Variants in NSFL1C observed in about 807,000 individuals in gnomAD.
The protein encoded by NSFL1C is NSFL1 cofactor, also known as NSFL1 cofactor p47.
NSFL1C carries 14 observed loss-of-function variants against 43.1 expected under a neutral mutation model. That is an observed-to-expected ratio of 0.32 (90% CI 0.21 to 0.51). The LOEUF is 0.51. NSFL1C is among the 20% of genes least tolerant of loss of function. The pLI, the probability that NSFL1C is intolerant of heterozygous loss-of-function variation, is 0.98. For synonymous variants in NSFL1C, 171 were observed against 183.5 expected (o/e 0.93, Z 0.55); for missense variants, 406 against 472.5 (o/e 0.86, Z 1.30).
At chr20:1,446,395 T>C (rs1474801137) in intron 7 of NSFL1C, among the ~76,000 whole-genome samples, 1 of 152,156 alleles carries the variant, frequency 6.6e-6, no homozygotes, top group Non-Finnish European at 1.5e-5. Flanking sequence ...ACATCCACTA[T>C]TGAGGGCAGG....
At chr20:1,450,377 G>C (rs2090158819) in intron 7 of NSFL1C, among the ~76,000 whole-genome samples, 1 of 151,856 alleles carries the variant, frequency 6.6e-6, no homozygotes, top group Non-Finnish European at 1.5e-5. Flanking sequence ...TAAAAAGCCA[G>C]AACTGAAATA....
chr20:1,464,173 T>C, intron 2 of NSFL1C, 156 bp downstream of exon 2: 1 of 655,746 alleles, frequency 1.5e-6, no homozygotes, highest in Non-Finnish European at 2.7e-6. Context: ...GTATAGGAAA[T>C]GACTGAGGCC....
Position 1,449,567 on chromosome 20 carries a change from T to C in NSFL1C, c.785+2926A>G, listed in dbSNP as rs552247842. Among the ~76,000 whole-genome samples the C allele has an allele frequency of 5.4e-4, 82 of 152,318 alleles. 1 individual carries two copies. The South Asian group carries it at 0.016, about 30-fold the overall frequency. ...GCTCTTCCTGAGAACTGCCAACAGC[T>C]GGGCTACTGCTCCCAGTGAGCGGCT... is the stretch of plus-strand genomic sequence containing the variant. On this transcript the variant is annotated intron_variant, in intron 7 of 8. Transcript: ENST00000216879.
At chr20:1,454,567 A>G (rs776495847) in intron 4 of NSFL1C, among the ~76,000 whole-genome samples, 4 of 152,280 alleles carry the variant, frequency 2.6e-5, no homozygotes, top group Non-Finnish European at 5.9e-5. Flanking sequence ...AGATGCTACT[A>G]AACTCTCATT....
chr20:1,454,454 A>G (rs988217131), intron 4 of NSFL1C, 149 bp from the exon 5 acceptor site: 8 of 619,604 alleles, frequency 1.3e-5, no homozygotes, highest in Non-Finnish European at 2.0e-5. Flanking sequence ...ACTTTCTCTG[A>G]TATCAGACTC....
intron 2 of NSFL1C, among the ~76,000 whole-genome samples, chr20:1,461,637 G>C (rs1396146371): frequency 6.6e-6 from 1 of 152,206 alleles, no homozygotes; most frequent in Non-Finnish European, 1.5e-5. Flanking sequence ...GCAGAACATT[G>C]TTGGGGCTGA....
chr20:1,457,081 T>C (rs2090317504), intron 3 of NSFL1C: 1 of 152,216 alleles, frequency 6.6e-6, no homozygotes, highest in African/African-American at 2.4e-5. Context: ...GTTTCCATAA[T>C]GGATATTTTT....
chr20:1,446,135 G>A (rs757896495), intron 7 of NSFL1C: 22 of 485,670 alleles, frequency 4.5e-5, no homozygotes, highest in Middle Eastern at 3.0e-4. Context: ...CTTGAAGGGA[G>A]GAAAGCAGGA....
At chr20:1,455,716 G>C (rs2090284325) in intron 3 of NSFL1C, 2 of 779,552 alleles carry the variant, frequency 2.6e-6, no homozygotes, top group South Asian at 2.7e-5. Flanking sequence ...CTACCTACCT[G>C]CTCCTTAAGT....
Position 1,443,627 on chromosome 20 carries a change from A to G in NSFL1C, c.*122T>C. 1 of 911,436 alleles carries G rather than the reference A, an allele frequency of 1.1e-6. No homozygotes were observed. 56.5% of individuals were successfully genotyped at this position (911,436 alleles called of 1,614,324 possible). A position where few individuals can be genotyped will look rare whatever the true frequency, so the allele number is the denominator to read the frequency against. On this transcript the variant is annotated 3_prime_UTR_variant, in exon 9 of 9. Transcript: ENST00000216879. ...AACCAAGATCTAAGAACCCAGAGCT[A>G]TGGAGGAGACGTTGCACTGGACTGC...
intron 7 of NSFL1C, among the ~76,000 whole-genome samples, chr20:1,447,255 G>T (rs866415929): frequency 1.3e-5 from 2 of 152,130 alleles, no homozygotes; most frequent in Non-Finnish European, 2.9e-5. Flanking sequence ...ACTACGATAG[G>T]CCACAAGAGT....
intron 7 of NSFL1C, among the ~76,000 whole-genome samples, chr20:1,447,428 T>G (rs969249435): frequency 2.1e-4 from 32 of 151,186 alleles, no homozygotes; most frequent in Non-Finnish European, 3.8e-4. Flanking sequence ...GTTATGAGTT[T>G]TTTTTTTTTT....
rs754102662 is a variant in NSFL1C, at chr20:1,452,566, G to T, written c.712C>A (p.His238Asn). 3.7e-6 allele frequency: 6 copies of T among 1,614,144 alleles called. No homozygotes were observed. The highest frequency in any genetic ancestry group is 5.1e-6 in the Non-Finnish European group (6 of 1,180,024). ...GGCTTCACAAAGTCCTCGTCCCGAT[G>T]GTCCTCCATATCCAAGTTCACCTGT... is the stretch of plus-strand genomic sequence containing the variant. ...GGQVNLDMED[H>N]RDEDFVKPKG... The change falls in exon 7 of 9, where the codon CAT becomes AAT. Residue 238 changes from histidine (H) to asparagine (N), a missense_variant. His to Asn is a moderately conservative substitution (Grantham distance 68, BLOSUM62 1). Around this residue, in one of 3 missense-constraint regions of NSFL1C, gnomAD observed 196 missense variants for 228.0 expected, o/e 0.86. Transcript: ENST00000216879.
chr20:1,466,391 G>T (rs2090511821), intron 1 of NSFL1C, among the ~76,000 whole-genome samples: 1 of 152,218 alleles, frequency 6.6e-6, no homozygotes, highest in Non-Finnish European at 1.5e-5. Flanking sequence ...GACCAGCCCG[G>T]CCTCCAGCAG....
rs116816772 is a variant in NSFL1C at position 1,448,468 on chromosome 20, G to T, written c.786-2638C>A. The stretch of plus-strand genomic sequence containing the variant: ...CCACACAAGGAAGCAGCTGCTGTTT[G>T]GGTTTGCTTCCCAGCACGTCCCATT... On this transcript the variant is annotated intron_variant, in intron 7 of 8. Transcript: ENST00000216879. Among the ~76,000 whole-genome samples the T allele has an allele frequency of 6.3e-3, 958 of 152,316 alleles. 14 individuals are homozygous for T. The highest frequency in any genetic ancestry group is 0.022 in the African/African-American group (915 of 41,568).
chr20:1,458,188 T>C lies in NSFL1C; in HGVS notation c.278+12A>G, dbSNP rs1315153211. 2.5e-6 allele frequency: 4 copies of C among 1,610,934 alleles called. No individual in the cohort carries two copies. Among genetic ancestry groups the C allele is most frequent in the Non-Finnish European group, 3.4e-6 (4 of 1,177,232 alleles). ...TGTGAACTGTCCCCCTGACCCCCTC[T>C]AGAAGACTCACCTCTGGCCTTCCTC... On this transcript the variant is annotated intron_variant, in intron 3 of 8. Transcript: ENST00000216879.
intron 1 of NSFL1C, 103 bp downstream of exon 1, chr20:1,466,617 A>T (rs1479020410): frequency 7.1e-5 from 80 of 1,122,052 alleles, no homozygotes; most frequent in Admixed American, 8.9e-5. Context: ...GCCGCGGTAG[A>T]GCGGGGATGA....
Position 1,466,735 on chromosome 20 carries a change from G to A in NSFL1C, c.90C>T (p.Ala30=). The change falls in exon 1 of 9, where the codon GCC becomes GCT. Residue 30 remains alanine, a synonymous_variant. Transcript: ENST00000216879. ...EDRARFFLES[A]GWDLQIALAS... is the part of the protein sequence containing the mutation. Reference sequence around the variant, plus strand: ...GCGGCGCTACCTGCAAGTCCCAGCCGGCCGACTCGAGAAAGAAGCGGGCCC... The same window carrying A: ...GCGGCGCTACCTGCAAGTCCCAGCCAGCCGACTCGAGAAAGAAGCGGGCCC... The A allele has an allele frequency of 6.4e-7, 1 of 1,558,088 alleles. No homozygotes were observed. The highest frequency in any genetic ancestry group is 8.7e-7 in the Non-Finnish European group (1 of 1,154,956).
chr20:1,462,812 C>T (rs188220049), intron 2 of NSFL1C, among the ~76,000 whole-genome samples: 10 of 152,184 alleles, frequency 6.6e-5, no homozygotes, highest in South Asian at 2.1e-4. Context: ...TGTGAGCCAC[C>T]GCGCCTGGCC....
Sources: gnomAD v4.1 joint callset for allele counts (sites outside exome capture counted in the v4.1 genomes callset) on GRCh38, gnomAD v4.1.1 for gene constraint, gnomAD v4.1.1 regional missense constraint, MANE v1.5 for transcripts, NCBI Gene and HGNC (gene_info 2026-07-23, HGNC 2026-07-21) for gene names.